KLF12: variants seen among roughly 807,000 people sequenced by gnomAD.
KLF12 encodes the protein KLF transcription factor 12, also known as Krueppel-like factor 12.
A neutral mutation model predicts 37.8 loss-of-function variants in KLF12; 9 were observed. That is an observed-to-expected ratio of 0.24 (90% CI 0.14 to 0.42). The LOEUF (loss-of-function observed/expected upper bound fraction) is 0.42, where lower values mean the gene tolerates loss of function less well. Among genes scored for constraint, KLF12 ranks in the 10% least tolerant of loss-of-function variants. The pLI is 1.00. For missense variants in KLF12, 411 were observed against 516.0 expected (o/e 0.80, Z 1.97); for synonymous variants, 208 against 202.1 (o/e 1.03, Z -0.25).
At chr13:74,235,150 G>A in the KLF12 span, among the ~76,000 whole-genome samples, 1 of 152,212 alleles carries the variant, frequency 6.6e-6, no homozygotes, top group Admixed American at 6.5e-5. Flanking sequence ...GGTCATAGAT[G>A]ATGTTTGTAA....
chr13:73,785,175 G>A (rs1881264576), intron 5 of KLF12, among the ~76,000 whole-genome samples: 1 of 151,150 alleles, frequency 6.6e-6, no homozygotes, highest in African/African-American at 2.4e-5. Flanking sequence ...GAGTACAGTG[G>A]CACAATCACA....
the KLF12 span, among the ~76,000 whole-genome samples, chr13:74,196,393 G>A: frequency 6.6e-6 from 1 of 152,112 alleles, no homozygotes; most frequent in Non-Finnish European, 1.5e-5. Flanking sequence ...TGCAGGTGGG[G>A]GAGAACATTT....
chr13:74,065,223 C>T (rs1324910), intron 1 of KLF12, among the ~76,000 whole-genome samples: 66,515 of 150,976 alleles, frequency 0.44, 15,217 homozygotes, highest in African/African-American at 0.49. Context: ...CACACACACA[C>T]ATGTATATAT....
chr13:73,698,859 T>C (rs1393054375), intron 7 of KLF12, among the ~76,000 whole-genome samples: 3 of 152,174 alleles, frequency 2.0e-5, no homozygotes, highest in Admixed American at 6.5e-5. Flanking sequence ...TTCGTGAATA[T>C]GTTAGCTTAT....
chr13:74,165,354 G>A, the KLF12 span, among the ~76,000 whole-genome samples: 1 of 138,518 alleles, frequency 7.2e-6, no homozygotes, highest in Non-Finnish European at 1.5e-5. Context: ...AGGCTAGAGT[G>A]CAGTAGCGCA....
intron 2 of KLF12, among the ~76,000 whole-genome samples, chr13:73,983,876 C>T: frequency 6.6e-6 from 1 of 152,202 alleles, no homozygotes; most frequent in East Asian, 1.9e-4. Context: ...AATAATCTTG[C>T]AGGTTCTCAG....
chr13:74,261,422 C>A, the KLF12 span, among the ~76,000 whole-genome samples: 6 of 152,104 alleles, frequency 3.9e-5, no homozygotes, highest in South Asian at 1.2e-3. Context: ...AAAAGTGCTT[C>A]GGTGGAAGCA....
chr13:74,231,034 CTTT>C, the KLF12 span, among the ~76,000 whole-genome samples: 70 of 144,636 alleles, frequency 4.8e-4, no homozygotes, highest in African/African-American at 1.1e-3. Context: ...AAGCTGCTAC[CTTT>C]TTTTTTTTTT....
intron 3 of KLF12, among the ~76,000 whole-genome samples, chr13:73,934,950 A>ATTATTTATTTATTTATTTATTTAT (rs146314583): frequency 7.2e-6 from 1 of 139,588 alleles, no homozygotes; most frequent in Admixed American, 7.2e-5. Flanking sequence ...ATAGGTTTTT[A>ATTATTTATTTATTTATTTATTTAT]TTATTTATTT....
chr13:73,819,334 CA>C (rs1883401778), intron 4 of KLF12, among the ~76,000 whole-genome samples: 1 of 152,208 alleles, frequency 6.6e-6, no homozygotes, highest in Non-Finnish European at 1.5e-5. Context: ...TTTACCCTGA[CA>C]GTAAATTTAC....
the KLF12 span, among the ~76,000 whole-genome samples, chr13:74,280,927 CAGAT>C: frequency 6.8e-6 from 1 of 146,784 alleles, no homozygotes; most frequent in Non-Finnish European, 1.5e-5. Context: ...GAACCACAAT[CAGAT>C]AGCCACTACT....
intron 1 of KLF12, among the ~76,000 whole-genome samples, chr13:74,096,207 C>G (rs1175832172): frequency 6.6e-6 from 1 of 152,196 alleles, no homozygotes; most frequent in Non-Finnish European, 1.5e-5. Context: ...CAAGTTCAAG[C>G]AATTCCAAAA....
At chr13:74,028,977 T>C (rs1282636084) in intron 1 of KLF12, among the ~76,000 whole-genome samples, 1 of 152,126 alleles carries the variant, frequency 6.6e-6, no homozygotes, top group Non-Finnish European at 1.5e-5. Flanking sequence ...AACTTCCAGA[T>C]GCCCTGCCAG....
intron 1 of KLF12, among the ~76,000 whole-genome samples, chr13:74,102,276 GA>G (rs1396436309): frequency 6.6e-6 from 1 of 151,672 alleles, no homozygotes; most frequent in Non-Finnish European, 1.5e-5. Context: ...ATGAGGGAAA[GA>G]TGGATATTGG....
chr13:73,930,776 T>A (rs1277569897), intron 3 of KLF12, among the ~76,000 whole-genome samples: 2 of 151,594 alleles, frequency 1.3e-5, no homozygotes, highest in African/African-American at 4.8e-5. Flanking sequence ...TTTTTCCTGA[T>A]AATAAAGTAA....
chr13:74,216,032 T>C, the KLF12 span, among the ~76,000 whole-genome samples: 4 of 152,164 alleles, frequency 2.6e-5, no homozygotes, highest in African/African-American at 9.7e-5. Flanking sequence ...CAAGAGCCCC[T>C]TCCACTCTCC....
chr13:73,913,399 G>A (rs1467116851), intron 3 of KLF12, among the ~76,000 whole-genome samples: 5 of 152,162 alleles, frequency 3.3e-5, no homozygotes, highest in African/African-American at 7.2e-5. Flanking sequence ...GCTAGTCCTC[G>A]GGTTTGCCAT....
rs144804931 is a variant in KLF12 at position 74,003,661 on chromosome 13, C to T, written c.-31-8608G>A. On this transcript the variant is annotated intron_variant, in intron 1 of 7. Transcript: ENST00000377669. ...CACACGATTCTTGATATTTCTGACA[C>T]TGCTGGCCAAAGATCAAATATTGCA... Among the ~76,000 whole-genome samples, 217 of 152,214 alleles carry T rather than the reference C, an allele frequency of 1.4e-3. 2 individuals are homozygous for T. The highest frequency in any genetic ancestry group is 5.0e-3 in the African/African-American group (209 of 41,540).
chr13:74,040,678 T>C (rs1255032136), intron 1 of KLF12, among the ~76,000 whole-genome samples: 1 of 152,252 alleles, frequency 6.6e-6, no homozygotes, highest in Non-Finnish European at 1.5e-5. Flanking sequence ...ATTTTCTCCA[T>C]GATTCCTTTA....
Sources: allele counts gnomAD v4.1 joint callset (sites outside exome capture counted in the v4.1 genomes callset), GRCh38; gene constraint gnomAD v4.1.1; transcripts MANE v1.5; gene names NCBI Gene and HGNC (gene_info 2026-07-23, HGNC 2026-07-21).